Variants in ALK observed in about 807,000 individuals in gnomAD.
ALK encodes the protein ALK tyrosine kinase receptor.
A neutral mutation model predicts 163.1 loss-of-function variants in ALK; 74 were observed. The ratio of observed to expected loss-of-function variants is 0.45; its 90% CI spans 0.38 to 0.55. The LOEUF (loss-of-function observed/expected upper bound fraction) is 0.55. Ranked by LOEUF, ALK falls within the 20% of genes least tolerant of loss-of-function variation. The probability of loss-of-function intolerance (pLI) is 0.00; values close to 1 mark genes in which losing one functional copy is unlikely to be tolerated. For synonymous variants in ALK, 960 were observed against 843.2 expected (o/e 1.14, Z -2.40); for missense variants, 2,063 against 2,105.3 (o/e 0.98, Z 0.39).
chr2:29,346,308 C>T (rs2148275382), intron 5 of ALK, among the ~76,000 whole-genome samples: 1 of 152,274 alleles, frequency 6.6e-6, no homozygotes, highest in Non-Finnish European at 1.5e-5. Flanking sequence ...AAAAAAGATC[C>T]ACAGGAAGGT....
At chr2:29,374,611 A>C (rs925259862) in intron 5 of ALK, among the ~76,000 whole-genome samples, 2 of 152,178 alleles carry the variant, frequency 1.3e-5, no homozygotes, top group Non-Finnish European at 2.9e-5. Context: ...AGAAAATACT[A>C]TTTAAGCTGG....
intron 3 of ALK, among the ~76,000 whole-genome samples, chr2:29,581,922 T>G (rs1350111222): frequency 1.3e-5 from 2 of 152,200 alleles, no homozygotes; most frequent in African/African-American, 2.4e-5. Context: ...AAGGGAAGAC[T>G]GGGCATGGGT....
chr2:29,218,556 G>A (rs1282185275), intron 23 of ALK, among the ~76,000 whole-genome samples: 2 of 152,120 alleles, frequency 1.3e-5, no homozygotes, highest in Admixed American at 6.5e-5. Context: ...CTTTGAGAGA[G>A]GGAGAGAGAA....
intron 4 of ALK, among the ~76,000 whole-genome samples, chr2:29,447,777 G>C (rs78704437): frequency 0.022 from 3,422 of 152,192 alleles, 122 homozygotes; most frequent in African/African-American, 0.077. Context: ...AGAAACCCAC[G>C]CACACATCTT....
intron 8 of ALK, among the ~76,000 whole-genome samples, chr2:29,297,667 G>C (rs1666235941): frequency 6.6e-6 from 1 of 152,212 alleles, no homozygotes. Flanking sequence ...CTTTCGAAGA[G>C]GATGCCCACT....
intron 3 of ALK, among the ~76,000 whole-genome samples, chr2:29,643,937 A>G (rs1036699414): frequency 6.6e-6 from 1 of 152,132 alleles, no homozygotes; most frequent in Non-Finnish European, 1.5e-5. Flanking sequence ...TGCTATAAAG[A>G]CACATGCACA....
intron 3 of ALK, among the ~76,000 whole-genome samples, chr2:29,645,553 C>T (rs897260293): frequency 4.6e-5 from 7 of 152,074 alleles, no homozygotes; most frequent in African/African-American, 1.4e-4. Flanking sequence ...GGAGCTTTTT[C>T]GCTTTACAAA....
chr2:29,657,460 C>T (rs986085586), intron 3 of ALK, among the ~76,000 whole-genome samples: 2 of 152,054 alleles, frequency 1.3e-5, no homozygotes, highest in Admixed American at 6.5e-5. Flanking sequence ...TGTAAAGCAC[C>T]GTGCAATATG....
chr2:29,413,086 G>C (rs1179926400), intron 4 of ALK, among the ~76,000 whole-genome samples: 1 of 152,170 alleles, frequency 6.6e-6, no homozygotes, highest in Non-Finnish European at 1.5e-5. Flanking sequence ...TTTGTTTCCA[G>C]GTCAATCACT....
intron 11 of ALK, among the ~76,000 whole-genome samples, chr2:29,252,650 G>T (rs1003995816): frequency 5.9e-5 from 9 of 152,140 alleles, no homozygotes; most frequent in African/African-American, 9.7e-5. Context: ...TAATGCATAT[G>T]CTACTCAGCA....
chr2:29,393,358 G>A (rs567303653), intron 4 of ALK, among the ~76,000 whole-genome samples: 31 of 152,150 alleles, frequency 2.0e-4, no homozygotes, highest in Non-Finnish European at 4.3e-4. Flanking sequence ...ATCAGTCATA[G>A]GAACTAGCAC....
At chr2:29,722,744 A>T (rs1056358410) in intron 1 of ALK, among the ~76,000 whole-genome samples, 8 of 152,208 alleles carry the variant, frequency 5.3e-5, no homozygotes, top group South Asian at 2.1e-4. Flanking sequence ...CACAGAATAT[A>T]CATCCAACTG....
intron 9 of ALK, among the ~76,000 whole-genome samples, chr2:29,280,865 C>T (rs1409791759): frequency 6.6e-6 from 1 of 151,616 alleles, no homozygotes; most frequent in East Asian, 2.0e-4. Flanking sequence ...CTGGTATGTA[C>T]CAGGTGGACC....
chr2:29,601,446 G>C (rs144390781), intron 3 of ALK, among the ~76,000 whole-genome samples: 1 of 152,064 alleles, frequency 6.6e-6, no homozygotes, highest in Admixed American at 6.5e-5. Flanking sequence ...GACTTTGTGA[G>C]CTGTGGCATG....
intron 3 of ALK, among the ~76,000 whole-genome samples, chr2:29,625,816 A>G (rs769224044): frequency 6.6e-6 from 1 of 152,194 alleles, no homozygotes; most frequent in Non-Finnish European, 1.5e-5. Context: ...GAGGAAGTTG[A>G]CATCACTTGC....
Position 29,603,636 on chromosome 2 carries a change from G to T in ALK, c.953-71520C>A, listed in dbSNP as rs571762808. On this transcript the variant is annotated intron_variant, in intron 3 of 28. Coordinates refer to ENST00000389048, the MANE Select transcript of ALK (RefSeq NM_004304.5). ...GAAGCCCCCTTGGCCAAGGGGAGGG[G>T]TGCATTCAGTCGGTTGGGTGGCTCA... is the stretch of plus-strand genomic sequence containing the variant. Among the ~76,000 whole-genome samples the T allele has an allele frequency of 1.6e-3, 236 of 152,066 alleles. 1 individual carries two copies. Among genetic ancestry groups the T allele is most frequent in the African/African-American group, 3.9e-3 (162 of 41,482 alleles).
chr2:29,388,986 T>TA (rs1248765791), intron 4 of ALK, among the ~76,000 whole-genome samples: 18 of 152,222 alleles, frequency 1.2e-4, no homozygotes, highest in Non-Finnish European at 2.4e-4. Flanking sequence ...CCATCTCACT[T>TA]AGAGTAAAAG....
chr2:29,310,032 A>T (rs1666655268), intron 8 of ALK, among the ~76,000 whole-genome samples: 1 of 152,214 alleles, frequency 6.6e-6, no homozygotes, highest in East Asian at 1.9e-4. Context: ...GATCCTGGTA[A>T]CAACCTCATG....
intron 1 of ALK, among the ~76,000 whole-genome samples, chr2:29,757,593 TTGTGTGTGTGTGTG>T (rs35768373): frequency 8.8e-5 from 13 of 148,230 alleles, no homozygotes; most frequent in Admixed American, 4.0e-4. Context: ...TTTTGTTTGT[TTGTGTGTGTGTGTG>T]TGTGTGTGTG....
Sources: allele counts gnomAD v4.1 joint callset (sites outside exome capture counted in the v4.1 genomes callset), GRCh38; gene constraint gnomAD v4.1.1; transcripts MANE v1.5; gene names NCBI Gene and HGNC (gene_info 2026-07-23, HGNC 2026-07-21).